PTPRG: variants seen among roughly 807,000 people sequenced by gnomAD.
PTPRG encodes protein tyrosine phosphatase receptor type G.
In PTPRG, 102 loss-of-function variants were observed where a neutral mutation model predicts 165.3. That is an observed-to-expected ratio of 0.62 (90% confidence interval 0.53 to 0.73). PTPRG has a LOEUF of 0.73. PTPRG is among the 30% of genes least tolerant of loss of function. The probability of loss-of-function intolerance (pLI) is 0.00; values close to 1 mark genes in which losing one functional copy is unlikely to be tolerated. For missense variants in PTPRG, 1,866 were observed against 1,861.4 expected, an observed-to-expected ratio of 1.00 and a Z score of -0.05; for synonymous variants, 675 against 669.5, an observed-to-expected ratio of 1.01 and a Z score of -0.13.
At chr3:62,136,443 T>C (rs1006521123) in intron 6 of PTPRG, among the ~76,000 whole-genome samples, 7 of 152,048 alleles carry the variant, frequency 4.6e-5, no homozygotes, top group African/African-American at 7.2e-5. Context: ...AGGTGTCTGT[T>C]GGTAAGAGAG....
intron 4 of PTPRG, among the ~76,000 whole-genome samples, chr3:62,063,497 A>C (rs1160829551): frequency 6.6e-6 from 1 of 152,162 alleles, no homozygotes; most frequent in Non-Finnish European, 1.5e-5. Flanking sequence ...GAGAGAGTTA[A>C]TATTAATACT....
chr3:61,751,578 A>G (rs76450497), intron 2 of PTPRG, among the ~76,000 whole-genome samples: 1,888 of 152,272 alleles, frequency 0.012, 27 homozygotes, highest in African/African-American at 0.042. Context: ...CCATAGTTCA[A>G]AGCGAAGTTT....
intron 2 of PTPRG, among the ~76,000 whole-genome samples, chr3:61,757,848 G>T (rs1323762540): frequency 2.0e-5 from 3 of 152,130 alleles, no homozygotes; most frequent in African/African-American, 7.2e-5. Context: ...CCTTCTTTGG[G>T]GAGAGGGGTG....
At chr3:61,794,474 C>T (rs1335034322) in intron 2 of PTPRG, among the ~76,000 whole-genome samples, 1 of 152,154 alleles carries the variant, frequency 6.6e-6, no homozygotes, top group African/African-American at 2.4e-5. Context: ...AGTCAACATA[C>T]CGCCCATGCC....
intron 2 of PTPRG, among the ~76,000 whole-genome samples, chr3:61,938,193 ATGTT>A (rs1393564309): frequency 7.2e-6 from 1 of 138,730 alleles, no homozygotes; most frequent in Non-Finnish European, 1.6e-5. Context: ...TTTAACATGT[ATGTT>A]TGTTTTCTGG....
chr3:62,134,184 G>A (rs1401677741), intron 6 of PTPRG, among the ~76,000 whole-genome samples: 6 of 152,128 alleles, frequency 3.9e-5, no homozygotes, highest in African/African-American at 9.7e-5. Flanking sequence ...ATGGAAAAAC[G>A]ATATCTGGCT....
At chr3:62,292,631 C>G in intron 29 of PTPRG, 75 bp downstream of exon 29, 1 of 1,531,244 alleles carries the variant, frequency 6.5e-7, no homozygotes, top group Non-Finnish European at 8.8e-7. Context: ...AGCAGTAGTT[C>G]TCAATTGGGG....
intron 2 of PTPRG, among the ~76,000 whole-genome samples, chr3:61,977,794 G>T (rs1297557601): frequency 3.3e-5 from 5 of 152,150 alleles, no homozygotes; most frequent in Admixed American, 2.0e-4. Flanking sequence ...TGTTTACAGA[G>T]ATACTGTATG....
chr3:62,081,605 A>G (rs933598120), intron 5 of PTPRG, among the ~76,000 whole-genome samples: 3 of 152,160 alleles, frequency 2.0e-5, no homozygotes, highest in East Asian at 3.9e-4. Flanking sequence ...TCAGCCTTCT[A>G]AAGTGCTGGG....
intron 2 of PTPRG, chr3:61,769,974 G>A (rs1295939458): frequency 6.6e-6 from 1 of 152,144 alleles, no homozygotes; most frequent in Non-Finnish European, 1.5e-5. Flanking sequence ...AATAGTAATA[G>A]TATGGAAGAG....
chr3:61,923,465 G>C (rs1292642566), intron 2 of PTPRG, among the ~76,000 whole-genome samples: 1 of 151,736 alleles, frequency 6.6e-6, no homozygotes, highest in Non-Finnish European at 1.5e-5. Context: ...GAGCAGGTTT[G>C]TTACATACGT....
At chr3:61,592,684 C>G (rs1317855765) in intron 1 of PTPRG, among the ~76,000 whole-genome samples, 1 of 135,308 alleles carries the variant, frequency 7.4e-6, no homozygotes, top group Non-Finnish European at 1.5e-5. Context: ...GGTGATCTGT[C>G]TAGCTTGTGG....
At chr3:61,643,522 G>C (rs6805081) in intron 1 of PTPRG, among the ~76,000 whole-genome samples, 13,208 of 152,234 alleles carry the variant, frequency 0.087, 690 homozygotes, top group East Asian at 0.19. Context: ...GCTCATGCCT[G>C]TAATGCCAGC....
At chr3:61,932,431 G>A (rs2039384664) in intron 2 of PTPRG, among the ~76,000 whole-genome samples, 1 of 152,174 alleles carries the variant, frequency 6.6e-6, no homozygotes, top group Non-Finnish European at 1.5e-5. Context: ...AGGAGACTAT[G>A]AATACTTAAA....
intron 2 of PTPRG, among the ~76,000 whole-genome samples, chr3:61,978,040 C>G (rs771869078): frequency 6.6e-6 from 1 of 152,170 alleles, no homozygotes; most frequent in African/African-American, 2.4e-5. Context: ...TTAGTAGAGA[C>G]GGGGTTTCGC....
At chr3:61,964,824 C>G (rs1173703582) in intron 2 of PTPRG, among the ~76,000 whole-genome samples, 3 of 152,044 alleles carry the variant, frequency 2.0e-5, no homozygotes, top group African/African-American at 7.2e-5. Context: ...ACTCTATTGT[C>G]ATTTGATCAC....
chr3:62,004,179 C>T (rs1329400805), intron 4 of PTPRG, among the ~76,000 whole-genome samples: 3 of 152,002 alleles, frequency 2.0e-5, no homozygotes, highest in Non-Finnish European at 4.4e-5. Flanking sequence ...CAATGCCAAC[C>T]TTATATATTT....
chr3:62,002,530 T>C (rs923527949), intron 3 of PTPRG, among the ~76,000 whole-genome samples: 1 of 152,210 alleles, frequency 6.6e-6, no homozygotes, highest in African/African-American at 2.4e-5. Flanking sequence ...TGGAAAAATA[T>C]TTTTTGTCAG....
rs76556667 is a variant in PTPRG at position 61,787,046 on chromosome 3, C to G, written c.190+38064C>G. Among the ~76,000 whole-genome samples the G allele has an allele frequency of 2.1e-3, 319 of 152,200 alleles. 2 individuals carry two copies. Among genetic ancestry groups the G allele is most frequent in the African/African-American group, 6.6e-3 (275 of 41,524 alleles). ...CTGGTATCCTTCTTTAAAAGCTCCT[C>G]ATAACGTAGGCTAAAAGAATCGCTT... On this transcript the variant is annotated intron_variant, in intron 2 of 29. Transcript: ENST00000474889.
Sources: gnomAD v4.1 joint callset for allele counts (sites outside exome capture counted in the v4.1 genomes callset) on GRCh38, gnomAD v4.1.1 for gene constraint, MANE v1.5 for transcripts, NCBI Gene and HGNC (gene_info 2026-07-23, HGNC 2026-07-21) for gene names.